Variants in ALKAL2 observed in about 807,000 individuals in gnomAD.
ALKAL2 encodes AUG-alpha.
In ALKAL2, 8 loss-of-function variants were observed where a neutral mutation model predicts 18.5. That is an observed-to-expected ratio of 0.43 (90% CI 0.25 to 0.78). ALKAL2 has a LOEUF of 0.78. Among genes scored for constraint, ALKAL2 ranks in the 30% least tolerant of loss-of-function variants. The probability of loss-of-function intolerance (pLI) is 0.22; values close to 1 mark genes in which losing one functional copy is unlikely to be tolerated. For missense variants in ALKAL2, 241 were observed against 211.2 expected, an observed-to-expected ratio of 1.14 and a Z score of -0.88; for synonymous variants, 135 against 95.8, an observed-to-expected ratio of 1.41 and a Z score of -2.39.
rs189793128 is a variant in ALKAL2 at position 286,273 on chromosome 2, A to T, written c.307+17T>A. The T allele has an allele frequency of 3.0e-5, 49 of 1,611,386 alleles. No homozygotes were observed. In the East Asian group the frequency reaches 4.9e-4, roughly 16 times the overall value. On this transcript the variant is annotated intron_variant, in intron 3 of 5. Coordinates refer to ENST00000403610, the MANE Select transcript of ALKAL2 (RefSeq NM_001002919.3). ...AAAGGAGCTCTGGGAGACGTGAGGAACGAGGAGAAAACTTACCTGTAAGGT... is the reference window on the plus strand; with the variant it reads ...AAAGGAGCTCTGGGAGACGTGAGGATCGAGGAGAAAACTTACCTGTAAGGT...
chr2:283,043 A>AT (rs1553301155), intron 5 of ALKAL2, 68 bp downstream of exon 5: 1 of 1,482,330 alleles, frequency 6.7e-7, no homozygotes, highest in African/African-American at 1.4e-5. Flanking sequence ...ACTCCCATGA[A>AT]TTTTTCATGT....
At chr2:285,583 A>G (rs1670482897) in intron 4 of ALKAL2, among the ~76,000 whole-genome samples, 1 of 152,240 alleles carries the variant, frequency 6.6e-6, no homozygotes, top group African/African-American at 2.4e-5. Context: ...GGAAGACTGA[A>G]AAGAAACAGG....
chr2:283,051 T>C (rs1310890184), intron 5 of ALKAL2, 60 bp downstream of exon 5: 4 of 1,509,384 alleles, frequency 2.7e-6, no homozygotes, highest in Non-Finnish European at 3.6e-6. Flanking sequence ...GAATTTTTCA[T>C]GTCCCAAGCG....
chr2:283,667 C>A, intron 4 of ALKAL2: 1 of 860,248 alleles, frequency 1.2e-6, no homozygotes, highest in Non-Finnish European at 1.4e-6. Context: ...AGCAATGTGC[C>A]CGTTTCTAAG....
chr2:288,036 C>T lies in ALKAL2; in HGVS notation c.-81G>A. 2 of 1,219,368 alleles carry T rather than the reference C, an allele frequency of 1.6e-6. No individual in the cohort carries two copies. 75.5% of individuals were successfully genotyped at this position (1,219,368 alleles called of 1,614,324 possible). ...ACCTCCGCGGACCCCGAGGAACAAGCCGGCAGGTGAGGGAGCCGCGGTCTC... is the reference window on the plus strand; with the variant it reads ...ACCTCCGCGGACCCCGAGGAACAAGTCGGCAGGTGAGGGAGCCGCGGTCTC... On this transcript the variant is annotated 5_prime_UTR_variant, in exon 1 of 6. Coordinates refer to ENST00000403610, the MANE Select transcript of ALKAL2 (RefSeq NM_001002919.3).
At position 287,615 on chromosome 2, in the gene ALKAL2, G is replaced by A; in HGVS notation, c.221C>T (p.Ala74Val). ...CTGCTCCGGCGAAGGCCCCAGCCCC[G>A]CCGCCTCCGCGCGGCCCAGGGCGCA... is the stretch of plus-strand genomic sequence containing the variant. ...RDCALGRAEA[A>V]GLGPSPEQRV... The change falls in exon 2 of 6, where the codon GCG becomes GTG. Residue 74 changes from alanine (A) to valine (V), a missense_variant. Ala to Val is a moderately conservative substitution (Grantham distance 64, BLOSUM62 0). Transcript: ENST00000403610. The A allele has an allele frequency of 2.7e-6, 4 of 1,476,728 alleles. No individual in the cohort carries two copies. Among genetic ancestry groups the A allele is most frequent in the Non-Finnish European group, 3.6e-6 (4 of 1,119,774 alleles). 91.5% of individuals were successfully genotyped at this position (1,476,728 alleles called of 1,614,324 possible). A position where few individuals can be genotyped will look rare whatever the true frequency, so the allele number is the denominator to read the frequency against.
At position 286,360 on chromosome 2, in the gene ALKAL2, A is replaced by G. The variant is rs1334966294; in HGVS notation, c.254-17T>C. ...GAACAATTTCTGTTTCAGGGAAAAG[A>G]AAGTATTATATTACCTGAAGGACGC... On this transcript the variant is annotated splice_polypyrimidine_tract_variant and intron_variant, in intron 2 of 5. Transcript: ENST00000403610. 2 of 1,593,638 alleles carry G rather than the reference A, an allele frequency of 1.3e-6. No homozygotes were observed. Among genetic ancestry groups the G allele is most frequent in the African/African-American group, 1.3e-5 (1 of 74,186 alleles).
Position 279,773 on chromosome 2 carries a change from A to G in ALKAL2, c.*374T>C, listed in dbSNP as rs561299190. On this transcript the variant is annotated 3_prime_UTR_variant, in exon 6 of 6. Coordinates refer to ENST00000403610, the MANE Select transcript of ALKAL2 (RefSeq NM_001002919.3). ...AATTTAACAGTGAAAGTAATACAGA[A>G]TATCAAATTATGTTATATGAAAATA... is the stretch of plus-strand genomic sequence containing the variant. The G allele has an allele frequency of 4.9e-5, 10 of 203,094 alleles. No homozygotes were observed. The highest frequency in any genetic ancestry group is 4.4e-4 in the South Asian group (3 of 6,874). The allele number at this position is 203,094 out of a possible 1,614,324, so 12.6% of individuals were successfully genotyped here.
chr2:285,284 CA>C (rs1488607952), intron 4 of ALKAL2, among the ~76,000 whole-genome samples: 3 of 152,172 alleles, frequency 2.0e-5, no homozygotes, highest in Non-Finnish European at 4.4e-5. Flanking sequence ...ACTTCGTGTA[CA>C]TTGGCTTTTC....
chr2:279,919 T>G lies in ALKAL2; in HGVS notation c.*228A>C, dbSNP rs1187538981. The G allele has an allele frequency of 4.3e-5, 18 of 418,314 alleles. No homozygotes were observed. Among genetic ancestry groups the G allele is most frequent in the Non-Finnish European group, 7.8e-5 (18 of 230,240 alleles). The allele number at this position is 418,314 out of a possible 1,614,324, so 25.9% of individuals were successfully genotyped here. ...TCAAATGTGGAGCATTCCTTTTGTGTTTTTTTTTTAAATAAGTGACAGATA... is the reference window on the plus strand; with the variant it reads ...TCAAATGTGGAGCATTCCTTTTGTGGTTTTTTTTTAAATAAGTGACAGATA... On this transcript the variant is annotated 3_prime_UTR_variant, in exon 6 of 6. Coordinates refer to ENST00000403610, the MANE Select transcript of ALKAL2 (RefSeq NM_001002919.3).
intron 5 of ALKAL2, among the ~76,000 whole-genome samples, chr2:281,913 C>T (rs1008379645): frequency 1.3e-5 from 2 of 152,084 alleles, no homozygotes; most frequent in South Asian, 2.1e-4. Context: ...ATGAGCTGCT[C>T]GAGAGAATTG....
chr2:287,972 G>A (rs1466138998), intron 1 of ALKAL2, 41 bp downstream of exon 1: 2 of 1,232,414 alleles, frequency 1.6e-6, no homozygotes, highest in Non-Finnish European at 2.0e-6. Flanking sequence ...GGAGGGGAGG[G>A]GAGGCGGGAG....
rs1216472756 is a variant in ALKAL2, at chr2:288,073, C to G, written c.-118G>C. ...GGAGCCGCGGTCTCCTCGACGATCA[C>G]GCCCGAGGTCCCGCCCACGGGGAGC... On this transcript the variant is annotated 5_prime_UTR_variant, in exon 1 of 6. Transcript: ENST00000403610. The G allele has an allele frequency of 1.7e-6, 2 of 1,197,618 alleles. No homozygotes were observed. The highest frequency in any genetic ancestry group is 2.1e-6 in the Non-Finnish European group (2 of 966,924). 74.2% of individuals were successfully genotyped at this position (1,197,618 alleles called of 1,614,324 possible).
intron 4 of ALKAL2, among the ~76,000 whole-genome samples, chr2:284,738 T>C (rs1670451341): frequency 6.6e-6 from 1 of 152,170 alleles, no homozygotes; most frequent in African/African-American, 2.4e-5. Context: ...ACAAAAGCAA[T>C]TCCTCATCCA....
At chr2:286,636 GT>G (rs139180819) in intron 2 of ALKAL2, 168 of 259,942 alleles carry the variant, frequency 6.5e-4, no homozygotes, top group South Asian at 1.2e-3. Context: ...TAAGAAAACT[GT>G]TTTTTTTTTC....
At chr2:286,066 G>A in intron 4 of ALKAL2, 57 bp downstream of exon 4, 5 of 1,472,258 alleles carry the variant, frequency 3.4e-6, no homozygotes, top group Non-Finnish European at 4.7e-6. Flanking sequence ...ATGGAAAGAG[G>A]GGAACCGCTG....
intron 2 of ALKAL2, 108 bp from the exon 3 acceptor site, chr2:286,451 C>G: frequency 1.3e-6 from 1 of 788,026 alleles, no homozygotes; most frequent in Non-Finnish European, 2.1e-6. Context: ...AGCCAAGTTG[C>G]TTTGCACAAA....
chr2:287,946 C>T (rs1670585482), intron 1 of ALKAL2, 54 bp from the exon 2 acceptor site: 1 of 804,296 alleles, frequency 1.2e-6, no homozygotes, highest in Non-Finnish European at 1.5e-6. Context: ...GGGAGGGGGA[C>T]GGAGCGCGGG....
In ALKAL2 at chr2:287,775, G is replaced by GGC; in HGVS notation, c.60_61insGC (p.Arg21AlafsTer72). The GGC allele has an allele frequency of 7.1e-7, 1 of 1,406,634 alleles. No individual in the cohort carries two copies. The highest frequency in any genetic ancestry group is 3.1e-5 in the East Asian group (1 of 32,480). The allele number at this position is 1,406,634 out of a possible 1,614,324, so 87.1% of individuals were successfully genotyped here. A position where few individuals can be genotyped will look rare whatever the true frequency, so the allele number is the denominator to read the frequency against. ...CGGGGCTCCGCGCCCCCCCGGCCGC[G>GGC]CCCCGCCGCCCCCAGCACCAGCAGC... is the stretch of plus-strand genomic sequence containing the variant. On this transcript the variant is annotated frameshift_variant, in exon 2 of 6. Transcript: ENST00000403610. LOFTEE classifies it high-confidence loss of function.
Sources: allele counts gnomAD v4.1 joint callset (sites outside exome capture counted in the v4.1 genomes callset), GRCh38; gene constraint gnomAD v4.1.1; transcripts MANE v1.5; gene names NCBI Gene and HGNC (gene_info 2026-07-23, HGNC 2026-07-21).